Variants in CSMD1 observed in about 807,000 individuals in gnomAD.
CSMD1 encodes CUB and sushi domain-containing protein 1.
A neutral mutation model predicts 417.5 loss-of-function variants in CSMD1; 213 were observed. The ratio of observed to expected loss-of-function variants is 0.51; its 90% CI spans 0.46 to 0.57. CSMD1 has a LOEUF of 0.57. Ranked by LOEUF, CSMD1 falls within the 20% of genes least tolerant of loss-of-function variation. CSMD1 has a pLI of 0.00. For missense variants in CSMD1, 6,923 were observed against 4,529.7 expected (o/e 1.53, Z -15.17); for synonymous variants, 2,862 against 1,736.8 (o/e 1.65, Z -16.11).
intron 3 of CSMD1, among the ~76,000 whole-genome samples, chr8:4,053,128 T>A (rs1798518497): frequency 6.6e-6 from 1 of 152,218 alleles, no homozygotes; most frequent in African/African-American, 2.4e-5. Flanking sequence ...CCAGGAAGCT[T>A]CTCCATGGGT....
chr8:3,912,172 T>C (rs1309279005), intron 5 of CSMD1, among the ~76,000 whole-genome samples: 1 of 152,184 alleles, frequency 6.6e-6, no homozygotes, highest in Non-Finnish European at 1.5e-5. Flanking sequence ...ACATTTCTCA[T>C]GAATTTGTAA....
chr8:4,740,298 G>C (rs574689935), intron 1 of CSMD1, among the ~76,000 whole-genome samples: 3 of 152,110 alleles, frequency 2.0e-5, no homozygotes, highest in South Asian at 4.1e-4. Context: ...CTTTATTATA[G>C]GGTCTTACAT....
chr8:3,670,238 C>T (rs375859324), intron 7 of CSMD1, among the ~76,000 whole-genome samples: 87 of 151,836 alleles, frequency 5.7e-4, no homozygotes, highest in Non-Finnish European at 1.0e-3. Flanking sequence ...ACAAAGCAGG[C>T]GGAAAAATAT....
Position 3,352,288 on chromosome 8 carries a change from G to C in CSMD1, c.3305-4127C>G, listed in dbSNP as rs1316785725. 4.6e-5 allele frequency among the ~76,000 whole-genome samples: 7 copies of C among 152,164 alleles called. No individual in the cohort carries two copies. In the South Asian group the frequency reaches 6.2e-4, roughly 14 times the overall value. ...GGAGATGGGATTGCAAACACAGCCTGAACCAGGTTGCAGGGAATGCCCTAA... is the reference window on the plus strand; with the variant it reads ...GGAGATGGGATTGCAAACACAGCCTCAACCAGGTTGCAGGGAATGCCCTAA... On this transcript the variant is annotated intron_variant, in intron 21 of 69. Coordinates refer to ENST00000635120, the MANE Select transcript of CSMD1 (RefSeq NM_033225.6).
intron 49 of CSMD1, among the ~76,000 whole-genome samples, chr8:3,069,682 C>T (rs967640726): frequency 6.6e-6 from 1 of 152,132 alleles, no homozygotes; most frequent in African/African-American, 2.4e-5. Flanking sequence ...CTTTTTCATG[C>T]TGAGGGGGCA....
chr8:4,132,857 G>C (rs2680627), intron 3 of CSMD1, among the ~76,000 whole-genome samples: 85,044 of 152,006 alleles, frequency 0.56, 23,918 homozygotes, highest in Middle Eastern at 0.62. Flanking sequence ...AGACAACTAG[G>C]ATATATGAAA....
intron 5 of CSMD1, among the ~76,000 whole-genome samples, chr8:3,983,192 G>A (rs926298263): frequency 1.1e-4 from 16 of 147,402 alleles, no homozygotes; most frequent in African/African-American, 1.8e-4. Context: ...GTGCAGTGGC[G>A]CGATCTCAGC....
At chr8:3,749,214 G>A (rs549800688) in intron 6 of CSMD1, among the ~76,000 whole-genome samples, 32 of 152,228 alleles carry the variant, frequency 2.1e-4, no homozygotes, top group African/African-American at 7.2e-4. Context: ...TATAAAGAAT[G>A]GGCTCAATTT....
At position 3,590,226 on chromosome 8, in the gene CSMD1, G is replaced by T. The variant is rs575408667; in HGVS notation, c.1098-3966C>A. On this transcript the variant is annotated intron_variant, in intron 8 of 69. Coordinates refer to ENST00000635120, the MANE Select transcript of CSMD1 (RefSeq NM_033225.6). ...AGGAAGATAGGCACAACCCATTTTTGAGCGGTAGTATCACAAGTATCACAA... is the reference window on the plus strand; with the variant it reads ...AGGAAGATAGGCACAACCCATTTTTTAGCGGTAGTATCACAAGTATCACAA... Among the ~76,000 whole-genome samples the T allele has an allele frequency of 1.5e-4, 23 of 152,132 alleles. No homozygotes were observed. In the East Asian group the frequency reaches 4.4e-3, roughly 29 times the overall value.
intron 5 of CSMD1, among the ~76,000 whole-genome samples, chr8:3,873,257 T>C (rs1311392541): frequency 6.6e-6 from 1 of 152,150 alleles, no homozygotes; most frequent in Non-Finnish European, 1.5e-5. Flanking sequence ...TGCAGGTGTA[T>C]GTTCACTGCA....
chr8:3,650,274 T>C (rs1308792506), intron 7 of CSMD1, among the ~76,000 whole-genome samples: 8 of 150,102 alleles, frequency 5.3e-5, no homozygotes, highest in Non-Finnish European at 8.9e-5. Flanking sequence ...CAAGACTCTT[T>C]CTCAGAAAAA....
intron 12 of CSMD1, among the ~76,000 whole-genome samples, chr8:3,446,593 T>A (rs762408754): frequency 1.3e-5 from 2 of 152,128 alleles, no homozygotes; most frequent in East Asian, 3.9e-4. Context: ...GTAAACAGAT[T>A]CTCCTAACAA....
chr8:4,018,952 T>C (rs1796654083), intron 4 of CSMD1, among the ~76,000 whole-genome samples: 1 of 152,210 alleles, frequency 6.6e-6, no homozygotes. Context: ...ATGTAAACAT[T>C]GTCTGACATT....
intron 41 of CSMD1, among the ~76,000 whole-genome samples, chr8:3,134,068 C>G (rs1817942490): frequency 6.6e-6 from 1 of 152,086 alleles, no homozygotes; most frequent in South Asian, 2.1e-4. Context: ...GTCCCAGCTA[C>G]TCAGGAGGCA....
chr8:3,175,146 T>C (rs1032430297), intron 37 of CSMD1, among the ~76,000 whole-genome samples: 3 of 152,188 alleles, frequency 2.0e-5, no homozygotes, highest in African/African-American at 7.2e-5. Flanking sequence ...GTTTAGTTTA[T>C]AACGATAAAA....
In CSMD1 at chr8:2,955,699, C is replaced by A. The variant is rs1802951395; in HGVS notation, c.9884G>T (p.Gly3295Val). The A allele has an allele frequency of 6.2e-7, 1 of 1,613,720 alleles. No individual in the cohort carries two copies. Among genetic ancestry groups the A allele is most frequent in the African/African-American group, 1.3e-5 (1 of 74,900 alleles). The change falls in exon 64 of 70, where the codon GGC (glycine) becomes GTC (valine). Residue 3295 changes from glycine to valine, a missense_variant. Coordinates refer to ENST00000635120, the MANE Select transcript of CSMD1 (RefSeq NM_033225.6). ...ATGGCAGGTGTACACTAAGGTGTAG[C>A]CGAAAGTAGGAAGATCGATGGCTCT... is the stretch of plus-strand genomic sequence containing the variant. ...DVRAIDLPTF[G>V]YTLVYTCHPG...
At chr8:3,434,943 C>G (rs545252194) in intron 12 of CSMD1, among the ~76,000 whole-genome samples, 1 of 152,192 alleles carries the variant, frequency 6.6e-6, no homozygotes, top group African/African-American at 2.4e-5. Context: ...CAGCACAGTT[C>G]CCATGTGCTG....
At chr8:4,690,486 G>T (rs753174933) in intron 1 of CSMD1, among the ~76,000 whole-genome samples, 5 of 152,112 alleles carry the variant, frequency 3.3e-5, no homozygotes, top group Non-Finnish European at 7.4e-5. Context: ...AAGTTTTACT[G>T]GGTAATATAA....
intron 1 of CSMD1, among the ~76,000 whole-genome samples, chr8:4,974,528 C>T (rs868323070): frequency 2.0e-5 from 3 of 149,342 alleles, no homozygotes; most frequent in Admixed American, 6.7e-5. Flanking sequence ...AACATAATAA[C>T]GTGAGAGTTA....
Sources: allele counts gnomAD v4.1 joint callset (sites outside exome capture counted in the v4.1 genomes callset), GRCh38; gene constraint gnomAD v4.1.1; transcripts MANE v1.5; gene names NCBI Gene and HGNC (gene_info 2026-07-23, HGNC 2026-07-21).